FNIP2: variants seen among roughly 807,000 people sequenced by gnomAD.
FNIP2 encodes folliculin interacting protein 2.
FNIP2 carries 32 observed loss-of-function variants against 108.7 expected under a neutral mutation model. The observed-to-expected ratio is 0.29, with a 90% CI of 0.22 to 0.40. The LOEUF is 0.40. FNIP2 is among the 10% of genes least tolerant of loss of function. The pLI, the probability that FNIP2 is intolerant of heterozygous loss-of-function variation, is 1.00. For missense variants in FNIP2, 1,202 were observed against 1,381.6 expected (o/e 0.87, Z 2.06); for synonymous variants, 480 against 496.7 (o/e 0.97, Z 0.45).
intron 7 of FNIP2, among the ~76,000 whole-genome samples, chr4:158,846,089 G>A (rs1779386883): frequency 6.6e-6 from 1 of 152,180 alleles, no homozygotes; most frequent in African/African-American, 2.4e-5. Context: ...TAGAAGGAGT[G>A]AAAAGCTAAC....
chr4:158,880,573 T>C (rs1781535073), intron 14 of FNIP2, among the ~76,000 whole-genome samples: 1 of 152,196 alleles, frequency 6.6e-6, no homozygotes. Flanking sequence ...ACATGTACCT[T>C]AGAACTTAAA....
intron 1 of FNIP2, among the ~76,000 whole-genome samples, chr4:158,788,266 C>A (rs1273645353): frequency 3.3e-5 from 5 of 152,228 alleles, no homozygotes; most frequent in African/African-American, 9.6e-5. Context: ...AGACTCATTG[C>A]ACTGAGCACT....
chr4:158,870,412 C>T lies in FNIP2; in HGVS notation c.2892C>T (p.Thr964=), dbSNP rs781111132. 32 of 1,614,000 alleles carry T rather than the reference C, an allele frequency of 2.0e-5. No homozygotes were observed. The Middle Eastern group carries it at 6.6e-4, about 33-fold the overall frequency. Residue 964 remains threonine (T), a synonymous_variant, in exon 14 of 17, where the codon ACC becomes ACT. Transcript: ENST00000264433. ...TYMPDLVLHG[T]GSDEKLKQCL... ...TGCCTGATCTTGTGCTTCATGGGAC[C>T]GGCAGTGATGAGAAGCTGAAGCAGT...
intron 16 of FNIP2, among the ~76,000 whole-genome samples, chr4:158,904,193 C>T (rs1477697982): frequency 6.6e-6 from 1 of 152,146 alleles, no homozygotes; most frequent in Non-Finnish European, 1.5e-5. Flanking sequence ...CTGGTGACCC[C>T]TGCCAAGGGA....
At chr4:158,794,111 TAAGA>T (rs1259558295) in intron 1 of FNIP2, among the ~76,000 whole-genome samples, 1 of 152,208 alleles carries the variant, frequency 6.6e-6, no homozygotes, top group African/African-American at 2.4e-5. Flanking sequence ...CATGTTGAAT[TAAGA>T]TTTTGTATAT....
intron 8 of FNIP2, among the ~76,000 whole-genome samples, chr4:158,858,628 T>C (rs573345801): frequency 6.6e-6 from 1 of 152,318 alleles, no homozygotes; most frequent in Non-Finnish European, 1.5e-5. Flanking sequence ...AAAGTAATCC[T>C]GGAAGTACCA....
At chr4:158,795,595 G>A (rs1179243109) in intron 1 of FNIP2, among the ~76,000 whole-genome samples, 1 of 152,180 alleles carries the variant, frequency 6.6e-6, no homozygotes, top group Non-Finnish European at 1.5e-5. Flanking sequence ...GTTCTGTTAC[G>A]GGAATTGTGC....
intron 14 of FNIP2, chr4:158,872,378 T>C (rs922080966): frequency 1.0e-6 from 1 of 985,342 alleles, no homozygotes; most frequent in African/African-American, 1.7e-5. Context: ...CAACCATGTT[T>C]ACTCTGTCAT....
chr4:158,878,364 A>ACCAGACATAAGCAGT (rs1351219943), intron 14 of FNIP2, among the ~76,000 whole-genome samples: 1 of 152,202 alleles, frequency 6.6e-6, no homozygotes, highest in Non-Finnish European at 1.5e-5. Flanking sequence ...ACTAGAAATC[A>ACCAGACATAAGCAGT]CCAGACATAA....
At chr4:158,802,073 A>G (rs1425349325) in intron 1 of FNIP2, among the ~76,000 whole-genome samples, 1 of 152,228 alleles carries the variant, frequency 6.6e-6, no homozygotes, top group Non-Finnish European at 1.5e-5. Context: ...ATTATAATAT[A>G]CAAAACACTG....
intron 1 of FNIP2, among the ~76,000 whole-genome samples, chr4:158,801,373 C>T (rs1776756452): frequency 6.6e-6 from 1 of 152,126 alleles, no homozygotes; most frequent in Non-Finnish European, 1.5e-5. Context: ...CTAGGTGGCA[C>T]GGAATTTGAG....
chr4:158,902,637 A>C (rs1193197103), intron 16 of FNIP2, among the ~76,000 whole-genome samples: 1 of 152,134 alleles, frequency 6.6e-6, no homozygotes, highest in Admixed American at 6.5e-5. Context: ...TTTTATCTAT[A>C]AACCCCTAAC....
chr4:158,845,135 A>G (rs987075533), intron 7 of FNIP2, among the ~76,000 whole-genome samples: 1 of 152,254 alleles, frequency 6.6e-6, no homozygotes, highest in Admixed American at 6.5e-5. Flanking sequence ...TTTTCTAATT[A>G]TAAAAGTATT....
intron 1 of FNIP2, among the ~76,000 whole-genome samples, chr4:158,796,458 C>T (rs1477756403): frequency 6.6e-6 from 1 of 152,084 alleles, no homozygotes; most frequent in East Asian, 1.9e-4. Context: ...TGTTTAATTG[C>T]CTGGAGCTTC....
At chr4:158,853,496 A>T (rs1373118037) in intron 8 of FNIP2, among the ~76,000 whole-genome samples, 1 of 152,178 alleles carries the variant, frequency 6.6e-6, no homozygotes, top group Non-Finnish European at 1.5e-5. Context: ...CATTTACATT[A>T]GGTATATCTC....
At chr4:158,809,606 A>C (rs956761707) in intron 1 of FNIP2, among the ~76,000 whole-genome samples, 18 of 152,218 alleles carry the variant, frequency 1.2e-4, no homozygotes, top group African/African-American at 4.3e-4. Context: ...CCGGCAAATT[A>C]GCAAACAAAA....
chr4:158,891,560 G>A lies in FNIP2; in HGVS notation c.3064G>A (p.Gly1022Ser). The A allele has an allele frequency of 6.2e-7, 1 of 1,612,272 alleles. No individual in the cohort carries two copies. Among genetic ancestry groups the A allele is most frequent in the Non-Finnish European group, 8.5e-7 (1 of 1,179,168 alleles). ...GAAAGTGACGGACAACATGAAACTA[G>A]GCCAGGATGTCCTGGTCTCTAGTCA... ...QRKVTDNMKLGQDVLVSSQVS... is the reference protein window; with the variant it reads ...QRKVTDNMKLSQDVLVSSQVS... Residue 1022 changes from glycine (G) to serine (S), a missense_variant, in exon 15 of 17, where the codon GGC becomes AGC. Gly to Ser is a moderately conservative substitution (Grantham distance 56). Around this residue, in one of 5 missense-constraint regions of FNIP2, gnomAD observed 142 missense variants for 183.8 expected, o/e 0.77. Coordinates refer to ENST00000264433, the MANE Select transcript of FNIP2 (RefSeq NM_020840.3).
At chr4:158,871,993 AACTGTGAGTTGTTTTTTTTTTTCTGCTCT>A in intron 14 of FNIP2, 1 of 985,196 alleles carries the variant, frequency 1.0e-6, no homozygotes. Flanking sequence ...ACACATGCCA[AACTGTGAGTTGTTTTTTTTTTTCTGCTCT>A]GCTATCATTT....
At chr4:158,805,801 C>A (rs568302786) in intron 1 of FNIP2, among the ~76,000 whole-genome samples, 1 of 152,316 alleles carries the variant, frequency 6.6e-6, no homozygotes, top group East Asian at 1.9e-4. Flanking sequence ...GTCTTGTGAC[C>A]AATTAATTGA....
Sources: gnomAD v4.1 joint callset for allele counts (sites outside exome capture counted in the v4.1 genomes callset) on GRCh38, gnomAD v4.1.1 for gene constraint, gnomAD v4.1.1 regional missense constraint, MANE v1.5 for transcripts, NCBI Gene and HGNC (gene_info 2026-07-23, HGNC 2026-07-21) for gene names.